The following ST6GALNAC3 variants were observed in gnomAD, a reference collection of about 807,000 sequenced individuals.
ST6GALNAC3 encodes the protein ST6 N-acetylgalactosaminide alpha-2,6-sialyltransferase 3.
ST6GALNAC3 carries 25 observed loss-of-function variants against 32.7 expected under a neutral mutation model. That is an observed-to-expected ratio of 0.76 (90% confidence interval 0.56 to 1.07). The LOEUF (loss-of-function observed/expected upper bound fraction) is 1.07, where lower values mean the gene tolerates loss of function less well. ST6GALNAC3 is among the 50% of genes least tolerant of loss of function. The pLI is 0.00. For synonymous variants in ST6GALNAC3, 129 were observed against 133.1 expected (o/e 0.97, Z 0.21); for missense variants, 355 against 382.4 (o/e 0.93, Z 0.60).
chr1:76,461,857 T>C (rs747913097), intron 3 of ST6GALNAC3, among the ~76,000 whole-genome samples: 10 of 152,252 alleles, frequency 6.6e-5, no homozygotes, highest in Non-Finnish European at 1.3e-4. Context: ...GACTGGGGCT[T>C]AAGTAGTTGT....
Position 76,412,152 on chromosome 1 carries a change from G to A in ST6GALNAC3, c.358G>A (p.Gly120Ser), listed in dbSNP as rs116716486. Residue 120 changes from glycine to serine, a missense_variant, in exon 3 of 5, where the codon GGC becomes AGC. Coordinates refer to ENST00000328299, the MANE Select transcript of ST6GALNAC3 (RefSeq NM_152996.4). ...CACCAAAGGTTATGAAGAAGATGTC[G>A]GCCGCATGACCATGATTCGAGTTGT... is the stretch of plus-strand genomic sequence containing the variant. ...APTKGYEEDV[G>S]RMTMIRVVSH... The A allele has an allele frequency of 1.2e-6, 2 of 1,613,572 alleles. No individual in the cohort carries two copies. The highest frequency in any genetic ancestry group is 2.2e-5 in the East Asian group (1 of 44,844).
rs568751982 is a variant in ST6GALNAC3, at chr1:76,634,602, G to A, written c.*5796G>A. On this transcript the variant is annotated 3_prime_UTR_variant, in exon 5 of 5. Coordinates refer to ENST00000328299, the MANE Select transcript of ST6GALNAC3 (RefSeq NM_152996.4). ...AGAATAAAGCTTACAAAATGGCAAAGAGCTATTGGCATATTTCAGTTTGTT... is the reference window on the plus strand; with the variant it reads ...AGAATAAAGCTTACAAAATGGCAAAAAGCTATTGGCATATTTCAGTTTGTT... 9 of 150,374 alleles carry A rather than the reference G, an allele frequency of 6.0e-5. No individual in the cohort carries two copies. Among genetic ancestry groups the A allele is most frequent in the Admixed American group, 1.3e-4 (2 of 15,060 alleles). The allele number at this position is 150,374 out of a possible 1,614,324, so 9.3% of individuals were successfully genotyped here. A position where few individuals can be genotyped will look rare whatever the true frequency, so the allele number is the denominator to read the frequency against.
At chr1:76,372,525 G>T (rs538728304) in intron 2 of ST6GALNAC3, among the ~76,000 whole-genome samples, 2 of 151,840 alleles carry the variant, frequency 1.3e-5, no homozygotes, top group South Asian at 2.1e-4. Flanking sequence ...TTCCCTCTCA[G>T]TTAATGACAC....
At chr1:76,479,043 G>A (rs576470939) in intron 3 of ST6GALNAC3, among the ~76,000 whole-genome samples, 26 of 152,144 alleles carry the variant, frequency 1.7e-4, no homozygotes, top group South Asian at 1.2e-3. Flanking sequence ...GATTACAGGC[G>A]TAACCCACCA....
chr1:76,390,946 A>ATTTTT (rs58114434), intron 2 of ST6GALNAC3, among the ~76,000 whole-genome samples: 1 of 120,984 alleles, frequency 8.3e-6, no homozygotes, highest in Non-Finnish European at 1.9e-5. Flanking sequence ...ATATATATGT[A>ATTTTT]TTTTTTTTTT....
chr1:76,094,071 T>C (rs1009017530), intron 1 of ST6GALNAC3, among the ~76,000 whole-genome samples: 3 of 152,156 alleles, frequency 2.0e-5, no homozygotes. Context: ...TCCCTGACAG[T>C]CACTGCAGGG....
intron 1 of ST6GALNAC3, among the ~76,000 whole-genome samples, chr1:76,137,933 A>T (rs1432727897): frequency 6.6e-6 from 1 of 152,242 alleles, no homozygotes; most frequent in East Asian, 1.9e-4. Context: ...AGCTCAAGTG[A>T]CTTGGAAACC....
At chr1:76,465,609 C>G (rs1443247605) in intron 3 of ST6GALNAC3, among the ~76,000 whole-genome samples, 1 of 152,124 alleles carries the variant, frequency 6.6e-6, no homozygotes, top group African/African-American at 2.4e-5. Context: ...GGTAGAACTA[C>G]AATTGTCTTA....
chr1:76,516,656 A>G (rs12755567), intron 3 of ST6GALNAC3, among the ~76,000 whole-genome samples: 16,002 of 151,958 alleles, frequency 0.11, 989 homozygotes, highest in East Asian at 0.22. Context: ...CCTTTTTCTT[A>G]TATTCTCAAT....
chr1:76,402,778 G>A (rs1653526973), intron 2 of ST6GALNAC3, among the ~76,000 whole-genome samples: 2 of 152,110 alleles, frequency 1.3e-5, no homozygotes, highest in African/African-American at 4.8e-5. Context: ...AGAACCTAGA[G>A]TGAATCTAGT....
At chr1:76,085,755 G>A (rs1770893) in intron 1 of ST6GALNAC3, among the ~76,000 whole-genome samples, 33,907 of 152,016 alleles carry the variant, frequency 0.22, 4,033 homozygotes, top group Middle Eastern at 0.37. Context: ...ACTTTGATTA[G>A]ACCTACCATA....
intron 2 of ST6GALNAC3, among the ~76,000 whole-genome samples, chr1:76,399,468 G>A (rs1288188271): frequency 2.6e-5 from 4 of 152,080 alleles, no homozygotes; most frequent in African/African-American, 7.2e-5. Flanking sequence ...CAAACACTTG[G>A]GGTCTTTATT....
At chr1:76,423,308 T>G (rs993974470) in intron 3 of ST6GALNAC3, among the ~76,000 whole-genome samples, 1 of 152,020 alleles carries the variant, frequency 6.6e-6, no homozygotes, top group Admixed American at 6.6e-5. Context: ...TGACTTATCA[T>G]GTTAGAAATG....
intron 1 of ST6GALNAC3, among the ~76,000 whole-genome samples, chr1:76,293,540 CATATT>C (rs1488329788): frequency 6.6e-6 from 1 of 152,210 alleles, no homozygotes; most frequent in Non-Finnish European, 1.5e-5. Flanking sequence ...TAGAAACACT[CATATT>C]AGAACTAAGG....
At chr1:76,400,141 A>G (rs1474801821) in intron 2 of ST6GALNAC3, among the ~76,000 whole-genome samples, 7 of 152,206 alleles carry the variant, frequency 4.6e-5, no homozygotes, top group African/African-American at 1.2e-4. Flanking sequence ...AGTATTAAGT[A>G]CAATGTCTGC....
chr1:76,277,533 T>C lies in ST6GALNAC3; in HGVS notation c.19-36272T>C, dbSNP rs1032010167. Among the ~76,000 whole-genome samples, 256 of 39,306 alleles carry C rather than the reference T, an allele frequency of 6.5e-3. 2 individuals carry two copies. The highest frequency in any genetic ancestry group is 0.026 in the African/African-American group (239 of 9,176). The allele number at this position is 39,306 out of a possible 152,430, so 25.8% of individuals were successfully genotyped here. The stretch of plus-strand genomic sequence containing the variant: ...ATATATGTATATGTTTATGTGTATA[T>C]ATATATATATATATATATATATATA... On this transcript the variant is annotated intron_variant, in intron 1 of 4. Coordinates refer to ENST00000328299, the MANE Select transcript of ST6GALNAC3 (RefSeq NM_152996.4).
intron 3 of ST6GALNAC3, among the ~76,000 whole-genome samples, chr1:76,427,209 C>T (rs1299157509): frequency 6.6e-6 from 1 of 152,000 alleles, no homozygotes; most frequent in African/African-American, 2.4e-5. Flanking sequence ...AGTCCCACCT[C>T]TTGTAGTGAA....
chr1:76,617,859 A>C (rs894377199), intron 3 of ST6GALNAC3, among the ~76,000 whole-genome samples: 1 of 152,216 alleles, frequency 6.6e-6, no homozygotes, highest in East Asian at 1.9e-4. Context: ...AGAATGAAGG[A>C]GATTCCAGAA....
intron 1 of ST6GALNAC3, among the ~76,000 whole-genome samples, chr1:76,218,360 G>C (rs572428560): frequency 6.2e-4 from 95 of 152,268 alleles, no homozygotes; most frequent in African/African-American, 2.0e-3. Flanking sequence ...GACCTTGGAG[G>C]CTAGAGTATT....
Sources: gnomAD v4.1 joint callset for allele counts (sites outside exome capture counted in the v4.1 genomes callset) on GRCh38, gnomAD v4.1.1 for gene constraint, MANE v1.5 for transcripts, NCBI Gene and HGNC (gene_info 2026-07-23, HGNC 2026-07-21) for gene names.